The following MYH15 variants were observed in gnomAD, a reference collection of about 807,000 sequenced individuals.
The protein encoded by MYH15 is myosin-15.
In MYH15, 227 loss-of-function variants were observed where a neutral mutation model predicts 240.5. The observed-to-expected ratio is 0.94, with a 90% CI of 0.85 to 1.05. The LOEUF (loss-of-function observed/expected upper bound fraction) is 1.05, where lower values mean the gene tolerates loss of function less well. Among genes scored for constraint, MYH15 ranks in the 50% least tolerant of loss-of-function variants. The probability of loss-of-function intolerance (pLI) is 0.00; values close to 1 mark genes in which losing one functional copy is unlikely to be tolerated. For missense variants in MYH15, 2,217 were observed against 2,247.5 expected (o/e 0.99, Z 0.27); for synonymous variants, 785 against 796.7 (o/e 0.99, Z 0.25).
In MYH15 at chr3:108,418,629, T is replaced by C. The variant is rs528611182; in HGVS notation, c.3830-1699A>G. Among the ~76,000 whole-genome samples, 412 of 87,042 alleles carry C rather than the reference T, an allele frequency of 4.7e-3. 1 individual carries two copies. The highest frequency in any genetic ancestry group is 0.016 in the African/African-American group (389 of 24,086). The allele number at this position is 87,042 out of a possible 152,430, so 57.1% of individuals were successfully genotyped here. A position where few individuals can be genotyped will look rare whatever the true frequency, so the allele number is the denominator to read the frequency against. On this transcript the variant is annotated intron_variant, in intron 28 of 40. Transcript: ENST00000693548. ...CTTTAAGGGTATTTGGATGAAAACA[T>C]CTTGTGGCTTTTTTTTTTTTTGACA...
chr3:108,476,555 A>G (rs779575534), intron 11 of MYH15, 40 bp from the exon 12 acceptor site: 30 of 1,332,706 alleles, frequency 2.3e-5, no homozygotes. Context: ...GAGAGAGGAA[A>G]ACACTGTTAA....
rs749874957 is a variant in MYH15, at chr3:108,405,340, A to C, written c.4734T>G (p.Phe1578Leu). 3.4e-6 allele frequency: 5 copies of C among 1,486,104 alleles called. No homozygotes were observed. Among genetic ancestry groups the C allele is most frequent in the Admixed American group, 1.8e-5 (1 of 55,368 alleles). The allele number at this position is 1,486,104 out of a possible 1,614,324, so 92.1% of individuals were successfully genotyped here. A position where few individuals can be genotyped will look rare whatever the true frequency, so the allele number is the denominator to read the frequency against. ...CACATCAAAATCATCTTAAATACCTAAAATTTTCTATTTCTTCATCTTTCT... is the reference window on the plus strand; with the variant it reads ...CACATCAAAATCATCTTAAATACCTCAAATTTTCTATTTCTTCATCTTTCT... ...LSEKDEEIENFRRKQQCTIDS... is the reference protein window; with the variant it reads ...LSEKDEEIENLRRKQQCTIDS... Residue 1578 changes from phenylalanine to leucine, a missense_variant and splice_region_variant, in exon 33 of 41, where the codon TTT (phenylalanine) becomes TTG (leucine). Phe to Leu is a conservative substitution (Grantham distance 22). Transcript: ENST00000693548.
At chr3:108,490,635 A>G (rs1011051917) in intron 9 of MYH15, among the ~76,000 whole-genome samples, 2 of 152,126 alleles carry the variant, frequency 1.3e-5, no homozygotes, top group African/African-American at 2.4e-5. Context: ...CAAATGCATT[A>G]TTGCCTCAGG....
chr3:108,421,617 C>G (rs752065481), intron 27 of MYH15, among the ~76,000 whole-genome samples: 21 of 152,016 alleles, frequency 1.4e-4, no homozygotes, highest in Non-Finnish European at 2.4e-4. Flanking sequence ...AGATATACCC[C>G]CTATTGTATA....
rs1337386613 is a variant in MYH15 at position 108,416,758 on chromosome 3, T to TA, written c.3948+53_3948+54insT. The TA allele has an allele frequency of 3.6e-5, 46 of 1,270,080 alleles. No homozygotes were observed. In the African/African-American group the frequency reaches 1.1e-3, roughly 29 times the overall value. 78.7% of individuals were successfully genotyped at this position (1,270,080 alleles called of 1,614,324 possible). A position where few individuals can be genotyped will look rare whatever the true frequency, so the allele number is the denominator to read the frequency against. ...AGGCTGATTCATCAAGCACTATTTT[T>TA]TAAAAAAAAAAACACACAGTCAAGA... On this transcript the variant is annotated intron_variant, in intron 29 of 40. Coordinates refer to ENST00000693548, the MANE Select transcript of MYH15 (RefSeq NM_014981.3).
At position 108,421,139 on chromosome 3, in the gene MYH15, G is replaced by A. The variant is rs1203063480; in HGVS notation, c.3778C>T (p.Gln1260Ter). 6.2e-7 allele frequency: 1 copy of A among 1,614,114 alleles called. No homozygotes were observed. Among genetic ancestry groups the A allele is most frequent in the Non-Finnish European group, 8.5e-7 (1 of 1,180,020 alleles). The change falls in exon 28 of 41, where the codon CAG (glutamine) becomes TAG (stop). Residue 1260 changes from glutamine (Q) to a stop codon, truncating the protein, a stop_gained. Transcript: ENST00000693548. LOFTEE classifies it high-confidence loss of function. ...TGTGCTGCCAGGTCATTTGCCAACTGAGTCACCTTATCTAGCTTTGCAGTT... is the reference window on the plus strand; with the variant it reads ...TGTGCTGCCAGGTCATTTGCCAACTAAGTCACCTTATCTAGCTTTGCAGTT... ...EATAKLDKVT[Q>*]LANDLAAQKT... is the part of the protein sequence containing the mutation.
At chr3:108,440,609 G>A (rs1170733971) in intron 23 of MYH15, among the ~76,000 whole-genome samples, 1 of 150,564 alleles carries the variant, frequency 6.6e-6, no homozygotes, top group Non-Finnish European at 1.5e-5. Context: ...CATCTTCAAG[G>A]TCAAACTCCA....
intron 26 of MYH15, among the ~76,000 whole-genome samples, 153 bp from the exon 27 acceptor site, chr3:108,429,034 T>G (rs149005056): frequency 2.0e-5 from 3 of 152,292 alleles, no homozygotes; most frequent in African/African-American, 7.2e-5. Flanking sequence ...TTTGCCCCAA[T>G]TCAGTACCAA....
the MYH15 span, among the ~76,000 whole-genome samples, chr3:108,543,125 C>T: frequency 3.3e-5 from 5 of 152,054 alleles, no homozygotes; most frequent in African/African-American, 7.2e-5. Context: ...GTGATCCGCC[C>T]GCCTTGGCCT....
At chr3:108,440,675 A>G (rs975905802) in intron 23 of MYH15, among the ~76,000 whole-genome samples, 1 of 143,128 alleles carries the variant, frequency 7.0e-6, no homozygotes, top group African/African-American at 2.6e-5. Context: ...TTAGCAAACC[A>G]TATCATGCTC....
chr3:108,445,957 T>C (rs1390780309), intron 21 of MYH15, among the ~76,000 whole-genome samples: 1 of 151,888 alleles, frequency 6.6e-6, no homozygotes, highest in Non-Finnish European at 1.5e-5. Context: ...AACTAGTGAA[T>C]TGAGAAAAGA....
intron 7 of MYH15, among the ~76,000 whole-genome samples, chr3:108,495,355 A>G (rs2083382223): frequency 6.6e-6 from 1 of 152,242 alleles, no homozygotes; most frequent in African/African-American, 2.4e-5. Context: ...CACAGGCAAC[A>G]GTACAAACAG....
chr3:108,426,830 C>T (rs908470864), intron 27 of MYH15, among the ~76,000 whole-genome samples: 1 of 152,210 alleles, frequency 6.6e-6, no homozygotes, highest in Non-Finnish European at 1.5e-5. Flanking sequence ...GGCAGTGCTA[C>T]ATGGGGCCCT....
upstream of MYH15, among the ~76,000 whole-genome samples, chr3:108,531,824 T>TAA: frequency 6.8e-6 from 1 of 147,176 alleles, no homozygotes; most frequent in African/African-American, 2.5e-5. Flanking sequence ...AAAATAAAAA[T>TAA]AAATACTTTA....
chr3:108,426,850 A>G (rs2082728816), intron 27 of MYH15, among the ~76,000 whole-genome samples: 1 of 152,208 alleles, frequency 6.6e-6, no homozygotes, highest in South Asian at 2.1e-4. Flanking sequence ...TGGGGACCCA[A>G]ACTCCACCCC....
At chr3:108,407,134 C>T (rs1006257244) in intron 32 of MYH15, among the ~76,000 whole-genome samples, 2 of 152,304 alleles carry the variant, frequency 1.3e-5, no homozygotes, top group African/African-American at 4.8e-5. Context: ...TTATGTATAA[C>T]AGGGTGAGAG....
At chr3:108,521,036 A>C (rs1263501331) in intron 1 of MYH15, among the ~76,000 whole-genome samples, 1 of 152,112 alleles carries the variant, frequency 6.6e-6, no homozygotes, top group Non-Finnish European at 1.5e-5. Context: ...ATTTGAGCCT[A>C]GATGTTGAGC....
At chr3:108,488,534 C>T (rs1028960736) in intron 9 of MYH15, among the ~76,000 whole-genome samples, 1 of 152,120 alleles carries the variant, frequency 6.6e-6, no homozygotes, top group African/African-American at 2.4e-5. Flanking sequence ...CCTTGAACTC[C>T]TGGGCTCAAG....
chr3:108,473,935 C>T (rs2083198074), intron 12 of MYH15, among the ~76,000 whole-genome samples: 1 of 152,202 alleles, frequency 6.6e-6, no homozygotes, highest in Non-Finnish European at 1.5e-5. Context: ...TCCCAAACAT[C>T]TACAGTGTGC....
Sources: gnomAD v4.1 joint callset for allele counts (sites outside exome capture counted in the v4.1 genomes callset) on GRCh38, gnomAD v4.1.1 for gene constraint, MANE v1.5 for transcripts, NCBI Gene and HGNC (gene_info 2026-07-23, HGNC 2026-07-21) for gene names.